RAD18: variants seen among roughly 807,000 people sequenced by gnomAD.
The protein encoded by RAD18 is E3 ubiquitin-protein ligase RAD18.
Under a neutral mutation model 60.4 loss-of-function variants are expected in RAD18, and 47 were observed. That is an observed-to-expected ratio of 0.78 (90% CI 0.62 to 0.99). RAD18 has a LOEUF of 0.99. Among genes scored for constraint, RAD18 ranks in the 50% least tolerant of loss-of-function variants. The probability of loss-of-function intolerance (pLI) is 0.00; values close to 1 mark genes in which losing one functional copy is unlikely to be tolerated. For missense variants in RAD18, 640 were observed against 593.3 expected, an observed-to-expected ratio of 1.08 and a Z score of -0.82; for synonymous variants, 225 against 195.5, an observed-to-expected ratio of 1.15 and a Z score of -1.26.
At chr3:8,903,764 T>C (rs1442510959) in intron 9 of RAD18, among the ~76,000 whole-genome samples, 1 of 152,220 alleles carries the variant, frequency 6.6e-6, no homozygotes, top group Non-Finnish European at 1.5e-5. Flanking sequence ...ATAAATCCTA[T>C]AAAATTTTTA....
chr3:8,895,698 G>T (rs1020686940), intron 11 of RAD18, among the ~76,000 whole-genome samples: 2 of 152,090 alleles, frequency 1.3e-5, no homozygotes, highest in African/African-American at 4.8e-5. Context: ...AAAATCAAAT[G>T]ACATAAAAGA....
At chr3:8,950,165 G>A (rs1940905772) in intron 2 of RAD18, among the ~76,000 whole-genome samples, 1 of 152,058 alleles carries the variant, frequency 6.6e-6, no homozygotes, top group African/African-American at 2.4e-5. Flanking sequence ...CGAGTAGCTG[G>A]GATTACAGGT....
At chr3:8,947,192 A>G in intron 4 of RAD18, 28 bp downstream of exon 4, 1 of 1,530,298 alleles carries the variant, frequency 6.5e-7, no homozygotes, top group Non-Finnish European at 9.0e-7. Context: ...AAAAGTAGTT[A>G]GAGGTTAGTC....
intron 9 of RAD18, among the ~76,000 whole-genome samples, chr3:8,911,963 T>C (rs1252740960): frequency 6.6e-6 from 1 of 152,250 alleles, no homozygotes; most frequent in African/African-American, 2.4e-5. Context: ...ATTGAAATCC[T>C]ATACAGAAGT....
At chr3:8,952,704 G>A (rs1452418274) in intron 2 of RAD18, among the ~76,000 whole-genome samples, 4 of 152,158 alleles carry the variant, frequency 2.6e-5, no homozygotes, top group Non-Finnish European at 5.9e-5. Context: ...CACTTTACAT[G>A]TATTAACTCT....
At chr3:8,927,989 A>G (rs1177197029) in intron 7 of RAD18, among the ~76,000 whole-genome samples, 1 of 151,518 alleles carries the variant, frequency 6.6e-6, no homozygotes, top group African/African-American at 2.4e-5. Flanking sequence ...CAGCACACCA[A>G]CATGGCACAT....
chr3:8,947,118 T>C, intron 4 of RAD18, 102 bp downstream of exon 4: 1 of 851,722 alleles, frequency 1.2e-6, no homozygotes, highest in Non-Finnish European at 1.9e-6. Context: ...GACTATAAAA[T>C]ATGCAACCCT....
At chr3:8,916,820 A>G (rs1661679034) in intron 7 of RAD18, among the ~76,000 whole-genome samples, 1 of 152,152 alleles carries the variant, frequency 6.6e-6, no homozygotes, top group Non-Finnish European at 1.5e-5. Context: ...AAAAAGAAAA[A>G]AAATTGTAAC....
intron 6 of RAD18, 144 bp from the exon 7 acceptor site, chr3:8,936,199 G>C: frequency 2.4e-6 from 2 of 828,650 alleles, no homozygotes; most frequent in Non-Finnish European, 3.6e-6. Context: ...GAAAAATCAA[G>C]TTTGTGGATA....
chr3:8,916,217 T>C (rs1445051000), intron 7 of RAD18, among the ~76,000 whole-genome samples: 2 of 152,182 alleles, frequency 1.3e-5, no homozygotes, highest in East Asian at 1.9e-4. Context: ...AGAGGACCCC[T>C]GCCCCTGGCA....
At chr3:8,928,177 AC>A (rs1246376367) in intron 7 of RAD18, among the ~76,000 whole-genome samples, 3 of 152,080 alleles carry the variant, frequency 2.0e-5, no homozygotes, top group African/African-American at 7.2e-5. Context: ...AATCACCCCT[AC>A]AAAAAAACAA....
intron 10 of RAD18, among the ~76,000 whole-genome samples, chr3:8,901,537 A>C (rs1939913279): frequency 6.6e-6 from 1 of 152,244 alleles, no homozygotes; most frequent in African/African-American, 2.4e-5. Flanking sequence ...TAGAGAAAGA[A>C]GCCAACACAC....
chr3:8,943,585 G>A (rs186442725), intron 4 of RAD18, among the ~76,000 whole-genome samples: 113 of 151,648 alleles, frequency 7.5e-4, no homozygotes, highest in African/African-American at 2.7e-3. Flanking sequence ...AGAAGGAACA[G>A]AAAGAAAGAA....
Position 8,924,911 on chromosome 3 carries a change from G to A in RAD18, c.889+10960C>T, listed in dbSNP as rs1447438560. On this transcript the variant is annotated intron_variant, in intron 7 of 12. Transcript: ENST00000264926. Reference sequence around the variant, plus strand: ...GAATCTCTGGGACACATTTAAAGCAGTGTGTAGGGGGAAATTTATAGCACT... The same window carrying A: ...GAATCTCTGGGACACATTTAAAGCAATGTGTAGGGGGAAATTTATAGCACT... Among the ~76,000 whole-genome samples, 4 of 151,980 alleles carry A rather than the reference G, an allele frequency of 2.6e-5. No individual in the cohort carries two copies. The South Asian group carries it at 6.2e-4, about 24-fold the overall frequency.
chr3:8,890,140 T>C (rs941946213), intron 12 of RAD18: 2 of 493,426 alleles, frequency 4.1e-6, no homozygotes, highest in Non-Finnish European at 3.7e-6. Context: ...ACTGTATTAA[T>C]TGCCCATAAG....
At chr3:8,930,391 A>T (rs1343599279) in intron 7 of RAD18, among the ~76,000 whole-genome samples, 3 of 152,186 alleles carry the variant, frequency 2.0e-5, no homozygotes. Context: ...ATTAGTGGCT[A>T]TCTAGGGCTG....
intron 12 of RAD18, among the ~76,000 whole-genome samples, chr3:8,884,687 G>T (rs987207640): frequency 6.6e-6 from 1 of 152,086 alleles, no homozygotes; most frequent in African/African-American, 2.4e-5. Flanking sequence ...AACAGACACA[G>T]CTATTGAGGT....
intron 9 of RAD18, among the ~76,000 whole-genome samples, chr3:8,911,566 C>T (rs1370238475): frequency 1.3e-5 from 2 of 152,096 alleles, no homozygotes; most frequent in Non-Finnish European, 2.9e-5. Context: ...CCTACTCTAG[C>T]AAGGCACAGG....
At chr3:8,937,702 G>C (rs1679203547) in intron 6 of RAD18, among the ~76,000 whole-genome samples, 1 of 152,164 alleles carries the variant, frequency 6.6e-6, no homozygotes, top group African/African-American at 2.4e-5. Context: ...GATGAGAACA[G>C]AAAGGCTTGG....
Sources: gnomAD v4.1 joint callset for allele counts (sites outside exome capture counted in the v4.1 genomes callset) on GRCh38, gnomAD v4.1.1 for gene constraint, MANE v1.5 for transcripts, NCBI Gene and HGNC (gene_info 2026-07-23, HGNC 2026-07-21) for gene names.